The following GPC6 variants were observed in gnomAD, a reference collection of about 807,000 sequenced individuals.
GPC6 encodes glypican-6.
GPC6 carries 14 observed loss-of-function variants against 55.2 expected under a neutral mutation model. That is an observed-to-expected ratio of 0.25 (90% CI 0.17 to 0.40). The LOEUF (loss-of-function observed/expected upper bound fraction) is 0.40. Among genes scored for constraint, GPC6 ranks in the 10% least tolerant of loss-of-function variants. GPC6 has a pLI of 1.00. For synonymous variants in GPC6, 278 were observed against 259.6 expected (o/e 1.07, Z -0.68); for missense variants, 641 against 708.5 (o/e 0.90, Z 1.08).
At chr13:94,392,742 A>G in intron 7 of GPC6, among the ~76,000 whole-genome samples, 1 of 13,420 alleles carries the variant, frequency 7.5e-5, no homozygotes, top group African/African-American at 5.0e-4. Context: ...GCTGGTCTCG[A>G]ACTCTCGACC....
chr13:93,893,908 C>T (rs1875840642), intron 3 of GPC6, among the ~76,000 whole-genome samples: 1 of 152,134 alleles, frequency 6.6e-6, no homozygotes, highest in South Asian at 2.1e-4. Flanking sequence ...TTTTCAATAA[C>T]CATTATCCAA....
At chr13:94,272,463 CTTTTTTTTTT>C (rs555664508) in intron 4 of GPC6, among the ~76,000 whole-genome samples, 8 of 85,744 alleles carry the variant, frequency 9.3e-5, no homozygotes, top group African/African-American at 1.7e-4. Context: ...CTTTTCTTTT[CTTTTTTTTTT>C]TTTTTTTTTT....
intron 1 of GPC6, among the ~76,000 whole-genome samples, chr13:93,274,270 G>A (rs1877653125): frequency 6.6e-6 from 1 of 152,140 alleles, no homozygotes; most frequent in Non-Finnish European, 1.5e-5. Context: ...GAGTCCCTAA[G>A]GTATTCATTT....
chr13:94,043,568 GTGTATA>G (rs1241436306), intron 4 of GPC6, among the ~76,000 whole-genome samples: 4 of 151,686 alleles, frequency 2.6e-5, no homozygotes, highest in Non-Finnish European at 5.9e-5. Context: ...TATATTTTGT[GTGTATA>G]TGTATATGTA....
chr13:94,264,478 T>C (rs1250826381), intron 4 of GPC6, among the ~76,000 whole-genome samples: 1 of 152,216 alleles, frequency 6.6e-6, no homozygotes, highest in Non-Finnish European at 1.5e-5. Context: ...CCTCTCATCC[T>C]TTCTTTCAGC....
intron 4 of GPC6, among the ~76,000 whole-genome samples, chr13:94,235,140 G>C (rs1890842997): frequency 6.6e-6 from 1 of 152,046 alleles, no homozygotes; most frequent in Non-Finnish European, 1.5e-5. Context: ...AAGACAGCAT[G>C]ATAAATCCTC....
chr13:93,246,625 G>A (rs1006535037), intron 1 of GPC6, among the ~76,000 whole-genome samples: 13 of 151,468 alleles, frequency 8.6e-5, no homozygotes, highest in Non-Finnish European at 1.5e-4. Flanking sequence ...GTGAAACCTC[G>A]TCTCTACTAA....
At chr13:94,186,595 G>C (rs369186438) in intron 4 of GPC6, among the ~76,000 whole-genome samples, 14 of 152,250 alleles carry the variant, frequency 9.2e-5, no homozygotes, top group African/African-American at 3.4e-4. Flanking sequence ...GTTGGTGGGG[G>C]ATTAAAGAGT....
intron 6 of GPC6, among the ~76,000 whole-genome samples, chr13:94,371,480 G>A (rs567038644): frequency 4.6e-5 from 7 of 152,184 alleles, no homozygotes; most frequent in African/African-American, 1.4e-4. Context: ...TAGATGTGTG[G>A]CAAGTTTTTT....
intron 1 of GPC6, among the ~76,000 whole-genome samples, chr13:93,230,688 G>C (rs1875974510): frequency 6.6e-6 from 1 of 152,084 alleles, no homozygotes; most frequent in Non-Finnish European, 1.5e-5. Context: ...TCTTTGTTAG[G>C]AGAGTTACTC....
At chr13:94,051,237 A>G (rs1054637649) in intron 4 of GPC6, among the ~76,000 whole-genome samples, 1 of 152,180 alleles carries the variant, frequency 6.6e-6, no homozygotes, top group Admixed American at 6.5e-5. Context: ...GTGGGCTAAT[A>G]AGGTTGAAGT....
At chr13:93,601,048 A>G (rs1219852927) in intron 2 of GPC6, among the ~76,000 whole-genome samples, 3 of 151,848 alleles carry the variant, frequency 2.0e-5, no homozygotes, top group African/African-American at 7.3e-5. Flanking sequence ...TTAGACTGAT[A>G]TGATCTTCAC....
At chr13:93,694,703 T>C (rs1422854417) in intron 2 of GPC6, among the ~76,000 whole-genome samples, 4 of 152,150 alleles carry the variant, frequency 2.6e-5, no homozygotes, top group African/African-American at 9.7e-5. Context: ...ACAACTTTAT[T>C]GAAAACAAGG....
intron 2 of GPC6, among the ~76,000 whole-genome samples, chr13:93,797,360 A>G (rs955334446): frequency 6.6e-6 from 1 of 152,164 alleles, no homozygotes; most frequent in African/African-American, 2.4e-5. Flanking sequence ...CAAGAAACCA[A>G]CTGAGAACAG....
intron 4 of GPC6, among the ~76,000 whole-genome samples, chr13:94,147,296 G>C (rs543408362): frequency 1.3e-5 from 2 of 151,932 alleles, no homozygotes; most frequent in East Asian, 3.9e-4. Context: ...TGCTTTTCCT[G>C]TCACCTCTGT....
At chr13:94,288,518 C>T (rs1040888123) in intron 5 of GPC6, among the ~76,000 whole-genome samples, 8 of 151,434 alleles carry the variant, frequency 5.3e-5, no homozygotes, top group Admixed American at 2.6e-4. Context: ...ATTATCTGGC[C>T]CCTGCCTACC....
At position 94,306,136 on chromosome 13, in the gene GPC6, AGATT is replaced by A. The variant is rs756479079; in HGVS notation, c.1152+17_1152+20del. Reference sequence around the variant, plus strand: ...CTTGGACCGGCTGGTGAGTATTCACAGATTGATAACCATGGCGGATGCTTTGTTT... The same window carrying A: ...CTTGGACCGGCTGGTGAGTATTCACAGATAACCATGGCGGATGCTTTGTTT... On this transcript the variant is annotated intron_variant, in intron 6 of 8. Coordinates refer to ENST00000377047, the MANE Select transcript of GPC6 (RefSeq NM_005708.5). 1.1e-4 allele frequency: 173 copies of A among 1,613,976 alleles called. No homozygotes were observed. The highest frequency in any genetic ancestry group is 1.4e-4 in the Non-Finnish European group (165 of 1,179,920).
At chr13:93,321,534 T>C (rs1251926030) in intron 1 of GPC6, among the ~76,000 whole-genome samples, 1 of 152,208 alleles carries the variant, frequency 6.6e-6, no homozygotes, top group Non-Finnish European at 1.5e-5. Context: ...TTTAGAACTG[T>C]AGTTGAATGA....
At chr13:93,816,077 G>C (rs950747690) in intron 2 of GPC6, among the ~76,000 whole-genome samples, 2 of 152,120 alleles carry the variant, frequency 1.3e-5, no homozygotes, top group African/African-American at 4.8e-5. Context: ...CAAAGGCTCT[G>C]TAGAGAAAAT....
Sources: gnomAD v4.1 joint callset for allele counts (sites outside exome capture counted in the v4.1 genomes callset) on GRCh38, gnomAD v4.1.1 for gene constraint, MANE v1.5 for transcripts, NCBI Gene and HGNC (gene_info 2026-07-23, HGNC 2026-07-21) for gene names.